The following UGGT1 variants were observed in gnomAD, a reference collection of about 807,000 sequenced individuals.
UGGT1 encodes the protein UDP-glucose:glycoprotein glucosyltransferase 1.
A neutral mutation model predicts 203.9 loss-of-function variants in UGGT1; 107 were observed. The observed-to-expected ratio is 0.52, with a 90% CI of 0.45 to 0.62. UGGT1 has a LOEUF of 0.62. UGGT1 is among the 20% of genes least tolerant of loss of function. The pLI, the probability that UGGT1 is intolerant of heterozygous loss-of-function variation, is 0.00. For missense variants in UGGT1, 1,673 were observed against 1,867.2 expected, an observed-to-expected ratio of 0.90 and a Z score of 1.92; for synonymous variants, 628 against 653.5, an observed-to-expected ratio of 0.96 and a Z score of 0.59.
At chr2:128,189,447 T>C (rs1270309802) in intron 40 of UGGT1, among the ~76,000 whole-genome samples, 1 of 152,228 alleles carries the variant, frequency 6.6e-6, no homozygotes, top group Non-Finnish European at 1.5e-5. Context: ...AAAAAATGCA[T>C]GCAACGTTTA....
In UGGT1 at chr2:128,152,774, T is replaced by A; in HGVS notation, c.2017-10T>A. 1 of 1,588,842 alleles carries A rather than the reference T, an allele frequency of 6.3e-7. No individual in the cohort carries two copies. Among genetic ancestry groups the A allele is most frequent in the Non-Finnish European group, 8.5e-7 (1 of 1,170,858 alleles). On this transcript the variant is annotated splice_polypyrimidine_tract_variant and intron_variant, in intron 18 of 40. Coordinates refer to ENST00000259253, the MANE Select transcript of UGGT1 (RefSeq NM_020120.4). The stretch of plus-strand genomic sequence containing the variant: ...CCCTCCCCCCTCAACCTCCTTTTTT[T>A]TTCTTGCAGGGTGAACTGCCCCATG...
At chr2:128,174,137 A>T (rs1691252986) in intron 30 of UGGT1, among the ~76,000 whole-genome samples, 198 bp downstream of exon 30, 1 of 152,144 alleles carries the variant, frequency 6.6e-6, no homozygotes, top group African/African-American at 2.4e-5. Context: ...AACATGCTGG[A>T]ATACTCAGCT....
Position 128,182,113 on chromosome 2 carries a change from C to T in UGGT1, c.4084-17C>T. 1 of 1,611,250 alleles carries T rather than the reference C, an allele frequency of 6.2e-7. No individual in the cohort carries two copies. Among genetic ancestry groups the T allele is most frequent in the Non-Finnish European group, 8.5e-7 (1 of 1,178,458 alleles). ...GTCTGCATGGTTGCTTAACAAATGA[C>T]TTTTTATATTCTCCAGATTGTACGA... is the stretch of plus-strand genomic sequence containing the variant. On this transcript the variant is annotated splice_polypyrimidine_tract_variant and intron_variant, in intron 36 of 40. Transcript: ENST00000259253.
chr2:128,127,175 G>A (rs929183419), intron 11 of UGGT1, among the ~76,000 whole-genome samples, 186 bp from the exon 12 acceptor site: 3 of 151,918 alleles, frequency 2.0e-5, no homozygotes, highest in Non-Finnish European at 4.4e-5. Flanking sequence ...AACATGTTTC[G>A]AAATGTGTAT....
At chr2:128,183,530 A>G (rs1259193799) in intron 37 of UGGT1, 145 bp from the exon 38 acceptor site, 1 of 592,934 alleles carries the variant, frequency 1.7e-6, no homozygotes, top group East Asian at 2.9e-5. Context: ...AAAGTAGCAC[A>G]CTTTAACTCC....
At chr2:128,123,766 C>T (rs1688489085) in intron 11 of UGGT1, among the ~76,000 whole-genome samples, 2 of 152,092 alleles carry the variant, frequency 1.3e-5, no homozygotes, top group African/African-American at 4.8e-5. Context: ...TCTTTATGCC[C>T]AGGGCATGCC....
intron 5 of UGGT1, among the ~76,000 whole-genome samples, chr2:128,112,440 C>A (rs1280428875): frequency 2.0e-4 from 6 of 29,724 alleles, no homozygotes; most frequent in African/African-American, 4.8e-4. Flanking sequence ...AAAAACCCCC[C>A]AAAAAATACT....
chr2:128,127,893 G>A (rs935076606), intron 12 of UGGT1, among the ~76,000 whole-genome samples: 2 of 152,122 alleles, frequency 1.3e-5, no homozygotes, highest in Non-Finnish European at 1.5e-5. Flanking sequence ...GGCCAACATG[G>A]TGAAACCCCA....
intron 5 of UGGT1, among the ~76,000 whole-genome samples, chr2:128,112,454 T>TATATA (rs1553433490): frequency 1.8e-5 from 1 of 55,810 alleles, no homozygotes; most frequent in African/African-American, 5.3e-5. Context: ...AAATACTATG[T>TATATA]TATATATATA....
At chr2:128,150,667 AC>A (rs1689911065) in intron 18 of UGGT1, among the ~76,000 whole-genome samples, 1 of 47,794 alleles carries the variant, frequency 2.1e-5, no homozygotes, top group Admixed American at 3.0e-4. Flanking sequence ...TTAATTAATA[AC>A]TTTTTTTTTT....
chr2:128,121,263 G>T lies in UGGT1; in HGVS notation c.1038G>T (p.Met346Ile). The change falls in exon 10 of 41, where the codon ATG becomes ATT. Residue 346 changes from methionine to isoleucine, a missense_variant. This residue lies in a region of UGGT1 where 1,073 missense variants were observed against 1,078.7 expected (regional missense o/e 0.99). Coordinates refer to ENST00000259253, the MANE Select transcript of UGGT1 (RefSeq NM_020120.4). ...CTGTTGAGTTGGCTTTGGTTGTCAT[G>T]AAGGATCTTAGTCAGAATTTTCCTA... The part of the protein sequence containing the change: ...ASPVELALVV[M>I]KDLSQNFPTK... 1 of 1,613,292 alleles carries T rather than the reference G, an allele frequency of 6.2e-7. No homozygotes were observed.
chr2:128,113,870 A>G (rs1481280914), intron 6 of UGGT1, among the ~76,000 whole-genome samples: 1 of 19,754 alleles, frequency 5.1e-5, no homozygotes, highest in African/African-American at 7.5e-5. Flanking sequence ...AGTCCCAGCT[A>G]CGCGGGAGGC....
chr2:128,146,070 G>C, intron 18 of UGGT1, 103 bp downstream of exon 18: 1 of 1,390,570 alleles, frequency 7.2e-7, no homozygotes, highest in Non-Finnish European at 9.9e-7. Context: ...CTATTTGGGA[G>C]GCTGAGGCGA....
intron 6 of UGGT1, 57 bp from the exon 7 acceptor site, chr2:128,115,067 A>G: frequency 6.7e-7 from 1 of 1,496,464 alleles, no homozygotes; most frequent in Non-Finnish European, 9.3e-7. Context: ...CATGCCATGT[A>G]CACTGTGACA....
intron 14 of UGGT1, among the ~76,000 whole-genome samples, chr2:128,133,942 G>A (rs545701439): frequency 2.0e-5 from 3 of 152,090 alleles, no homozygotes; most frequent in South Asian, 4.2e-4. Flanking sequence ...TCACACAGCC[G>A]GGAAAGAGAT....
intron 3 of UGGT1, among the ~76,000 whole-genome samples, chr2:128,105,639 C>G (rs6430980): frequency 0.89 from 135,280 of 151,886 alleles, 61,221 homozygotes; most frequent in Non-Finnish European, 0.98. Context: ...CTCAGCCTCC[C>G]GAGTAGCTGG....
intron 25 of UGGT1, among the ~76,000 whole-genome samples, chr2:128,162,739 C>T (rs1407511746): frequency 6.6e-6 from 1 of 152,134 alleles, no homozygotes; most frequent in East Asian, 1.9e-4. Flanking sequence ...CAGGCATAGG[C>T]TTGGTGTGGC....
At chr2:128,126,488 C>T (rs62157733) in intron 11 of UGGT1, among the ~76,000 whole-genome samples, 20,387 of 151,306 alleles carry the variant, frequency 0.13, 1,769 homozygotes, top group Non-Finnish European at 0.19. Flanking sequence ...GTAATCCACC[C>T]GCCTCGGCCT....
At chr2:128,116,422 C>A in intron 8 of UGGT1, 79 bp downstream of exon 8, 1 of 903,600 alleles carries the variant, frequency 1.1e-6, no homozygotes, top group Non-Finnish European at 1.8e-6. Context: ...TAAGCATCAT[C>A]TTACTCATTA....
Sources: allele counts gnomAD v4.1 joint callset (sites outside exome capture counted in the v4.1 genomes callset), GRCh38; gene constraint gnomAD v4.1.1; regional missense constraint gnomAD v4.1.1; transcripts MANE v1.5; gene names NCBI Gene and HGNC (gene_info 2026-07-23, HGNC 2026-07-21).